The following SOX30 variants were observed in gnomAD, a reference collection of about 807,000 sequenced individuals.
SOX30 encodes the protein transcription factor SOX-30.
A neutral mutation model predicts 58.6 loss-of-function variants in SOX30; 17 were observed. The observed-to-expected ratio is 0.29, with a 90% CI of 0.20 to 0.44. The LOEUF is 0.44. SOX30 is among the 20% of genes least tolerant of loss of function. The pLI is 1.00. For synonymous variants in SOX30, 421 were observed against 400.2 expected, an observed-to-expected ratio of 1.05 and a Z score of -0.62; for missense variants, 951 against 965.8, an observed-to-expected ratio of 0.98 and a Z score of 0.20.
intron 3 of SOX30, among the ~76,000 whole-genome samples, chr5:157,646,254 T>A (rs1759190133): frequency 6.6e-6 from 1 of 152,188 alleles, no homozygotes; most frequent in Admixed American, 6.5e-5. Flanking sequence ...CAAATCAGTA[T>A]CATTACTAAG....
chr5:157,644,744 G>C (rs1759147616), intron 3 of SOX30, among the ~76,000 whole-genome samples: 1 of 152,216 alleles, frequency 6.6e-6, no homozygotes. Context: ...ACTTTGGGAA[G>C]CCAAGATGGG....
At chr5:157,635,815 A>C (rs1758913853) in intron 4 of SOX30, among the ~76,000 whole-genome samples, 1 of 152,170 alleles carries the variant, frequency 6.6e-6, no homozygotes, top group Admixed American at 6.6e-5. Flanking sequence ...TGTCCACTTG[A>C]CTATGTGAGG....
Position 157,638,684 on chromosome 5 carries a change from C to A in SOX30, c.1426G>T (p.Val476Phe). The change falls in exon 4 of 5, where the codon GTC becomes TTC. Residue 476 changes from valine (V) to phenylalanine (F), a missense_variant. Around this residue, in one of 7 missense-constraint regions of SOX30, gnomAD observed 381 missense variants for 390.0 expected, o/e 0.98. Transcript: ENST00000265007. ...SPAIQLPTPA[V>F]QSPSPVTLFQ... ...AGTGTGACAGGGCTTGGGCTCTGGA[C>A]TGCAGGTGTGGGCAGCTGGATAGCA... 1 of 1,613,752 alleles carries A rather than the reference C, an allele frequency of 6.2e-7. No individual in the cohort carries two copies. Among genetic ancestry groups the A allele is most frequent in the Non-Finnish European group, 8.5e-7 (1 of 1,179,780 alleles).
chr5:157,632,047 T>TACAAAAAAAAAA (rs1758824629), intron 4 of SOX30, among the ~76,000 whole-genome samples: 1 of 56,394 alleles, frequency 1.8e-5, no homozygotes, highest in Non-Finnish European at 3.1e-5. Flanking sequence ...ACCCCGTAAC[T>TACAAAAAAAAAA]AAAAAAAAAA....
upstream of SOX30, among the ~76,000 whole-genome samples, chr5:157,654,503 G>A (rs2113853418): frequency 6.6e-6 from 1 of 152,292 alleles, no homozygotes; most frequent in Non-Finnish European, 1.5e-5. Context: ...GCAACTGTAT[G>A]CATGAGCAAA....
intron 2 of SOX30, 116 bp downstream of exon 2, chr5:157,648,541 T>A (rs1308333291): frequency 1.1e-6 from 1 of 910,240 alleles, no homozygotes; most frequent in East Asian, 2.5e-5. Context: ...TTATTCTCTT[T>A]ATTGTACATA....
At position 157,641,911 on chromosome 5, in the gene SOX30, C is replaced by T. The variant is rs75727710; in HGVS notation, c.1388-3189G>A. 7.7e-3 allele frequency among the ~76,000 whole-genome samples: 1,178 copies of T among 152,022 alleles called. 17 individuals are homozygous for T. Among genetic ancestry groups the T allele is most frequent in the African/African-American group, 0.027 (1,121 of 41,444 alleles). On this transcript the variant is annotated intron_variant, in intron 3 of 4. Transcript: ENST00000265007. ...AATACCAGATTAAACTGCCAGATTT[C>T]GAATATATTTACTGAATATCTTAAT... is the stretch of plus-strand genomic sequence containing the variant.
At chr5:157,634,642 A>G (rs1247639579) in intron 4 of SOX30, among the ~76,000 whole-genome samples, 1 of 152,086 alleles carries the variant, frequency 6.6e-6, no homozygotes. Context: ...CCACATATAA[A>G]TAACTAGAGT....
At chr5:157,636,439 TG>T (rs1758928706) in intron 4 of SOX30, among the ~76,000 whole-genome samples, 1 of 152,298 alleles carries the variant, frequency 6.6e-6, no homozygotes, top group East Asian at 1.9e-4. Flanking sequence ...CAGATAGCAA[TG>T]AAAAGAGATT....
At chr5:157,668,504 T>C (rs543500332) in intron 1 of SOX30, among the ~76,000 whole-genome samples, 1 of 151,924 alleles carries the variant, frequency 6.6e-6, no homozygotes, top group East Asian at 1.9e-4. Context: ...ATCCATTCAC[T>C]CACCAATCCA....
At chr5:157,665,656 T>C (rs1759656752) in intron 2 of SOX30, among the ~76,000 whole-genome samples, 1 of 147,744 alleles carries the variant, frequency 6.8e-6, no homozygotes, top group African/African-American at 2.5e-5. Flanking sequence ...ATTTTAAATA[T>C]ATAAATATTT....
intron 4 of SOX30, among the ~76,000 whole-genome samples, chr5:157,637,274 T>A (rs921907477): frequency 1.3e-5 from 2 of 152,178 alleles, no homozygotes; most frequent in African/African-American, 2.4e-5. Context: ...GAAAATGAAT[T>A]CCTTTATTGG....
intron 2 of SOX30, among the ~76,000 whole-genome samples, chr5:157,666,185 C>T (rs1304081229): frequency 1.3e-5 from 2 of 151,958 alleles, no homozygotes; most frequent in African/African-American, 4.8e-5. Context: ...GACAGGGTCT[C>T]ACTCTATCAC....
At position 157,626,155 on chromosome 5, in the gene SOX30, A is replaced by G; in HGVS notation, c.*185T>C. On this transcript the variant is annotated 3_prime_UTR_variant, in exon 5 of 5. Transcript: ENST00000265007. ...TAATAACTTAAATATTCCTACAATGAAACATCCAGACTCTAGTTTCACTAA... is the reference window on the plus strand; with the variant it reads ...TAATAACTTAAATATTCCTACAATGGAACATCCAGACTCTAGTTTCACTAA... 1 of 518,822 alleles carries G rather than the reference A, an allele frequency of 1.9e-6. No individual in the cohort carries two copies. 32.1% of individuals were successfully genotyped at this position (518,822 alleles called of 1,614,324 possible).
intron 2 of SOX30, among the ~76,000 whole-genome samples, chr5:157,665,459 G>C (rs1581410003): frequency 6.6e-6 from 1 of 152,112 alleles, no homozygotes; most frequent in East Asian, 1.9e-4. Context: ...GGGATTGGCA[G>C]AGCGGGGAGG....
intron 1 of SOX30, among the ~76,000 whole-genome samples, chr5:157,650,561 A>T (rs1235426230): frequency 6.6e-6 from 1 of 152,184 alleles, no homozygotes; most frequent in Non-Finnish European, 1.5e-5. Flanking sequence ...ATTCTTTTCA[A>T]TATTTCTATA....
rs777160099 is a variant in SOX30 at position 157,651,841 on chromosome 5, G to A, written c.238C>T (p.Leu80=). The A allele has an allele frequency of 4.4e-6, 7 of 1,584,432 alleles. No individual in the cohort carries two copies. Among genetic ancestry groups the A allele is most frequent in the South Asian group, 2.3e-5 (2 of 88,066 alleles). The change falls in exon 1 of 5, where the codon CTG becomes TTG. Residue 80 remains leucine, a synonymous_variant. Coordinates refer to ENST00000265007, the MANE Select transcript of SOX30 (RefSeq NM_178424.2). ...TTCTGGGCCTGAGGCTGTGGTAGCA[G>A]CAACACCTGCTCTGGCTTCACCTGC... ...LLQVKPEQVL[L]LPQPQAQNEE... is the part of the protein sequence containing the mutation.
At chr5:157,663,943 TAAAAG>T (rs1223481826) in intron 2 of SOX30, among the ~76,000 whole-genome samples, 1 of 151,716 alleles carries the variant, frequency 6.6e-6, no homozygotes, top group East Asian at 1.9e-4. Context: ...CTCAACAAAA[TAAAAG>T]AGGACAAAAA....
At chr5:157,629,426 C>T (rs1561577829) in intron 4 of SOX30, among the ~76,000 whole-genome samples, 1 of 152,112 alleles carries the variant, frequency 6.6e-6, no homozygotes, top group Non-Finnish European at 1.5e-5. Flanking sequence ...AACATAAAAT[C>T]TAGGTATATA....
Sources: allele counts gnomAD v4.1 joint callset (sites outside exome capture counted in the v4.1 genomes callset), GRCh38; gene constraint gnomAD v4.1.1; regional missense constraint gnomAD v4.1.1; transcripts MANE v1.5; gene names NCBI Gene and HGNC (gene_info 2026-07-23, HGNC 2026-07-21).